The following EXOC6 variants were observed in gnomAD, a reference collection of about 807,000 sequenced individuals.
EXOC6 encodes exocyst complex component 6.
Under a neutral mutation model 112.5 loss-of-function variants are expected in EXOC6, and 60 were observed. The ratio of observed to expected loss-of-function variants is 0.53; its 90% CI spans 0.43 to 0.66. EXOC6 has a LOEUF of 0.66. EXOC6 is among the 30% of genes least tolerant of loss of function. The pLI is 0.00. For synonymous variants in EXOC6, 295 were observed against 308.0 expected, an observed-to-expected ratio of 0.96 and a Z score of 0.44; for missense variants, 855 against 957.1, an observed-to-expected ratio of 0.89 and a Z score of 1.41.
chr10:92,997,943 T>C (rs1019848181), intron 19 of EXOC6, among the ~76,000 whole-genome samples: 4 of 152,234 alleles, frequency 2.6e-5, no homozygotes, highest in African/African-American at 9.6e-5. Context: ...ATGAATGAAA[T>C]GATTCTGTCA....
intron 6 of EXOC6, among the ~76,000 whole-genome samples, chr10:92,912,748 G>T (rs900511509): frequency 1.1e-4 from 16 of 152,284 alleles, no homozygotes; most frequent in African/African-American, 3.6e-4. Flanking sequence ...AGGACGTGAA[G>T]GTAGACAACC....
rs1436665547 is a variant in EXOC6, at chr10:92,962,435, G to GT, written c.1773+6723dup. 3.9e-5 allele frequency among the ~76,000 whole-genome samples: 6 copies of GT among 151,984 alleles called. No individual in the cohort carries two copies. In the East Asian group the frequency reaches 1.2e-3, roughly 29 times the overall value. On this transcript the variant is annotated intron_variant, in intron 17 of 21. Coordinates refer to ENST00000260762, the MANE Select transcript of EXOC6 (RefSeq NM_019053.6). Reference sequence around the variant, plus strand: ...GACAGGGTCCCACTCTGTCATCCAGGTTAGAGTGCAGTGACTTGATCCTGG... The same window carrying GT: ...GACAGGGTCCCACTCTGTCATCCAGGTTTAGAGTGCAGTGACTTGATCCTGG...
In EXOC6 at chr10:92,934,375, A is replaced by G. The variant is rs139811634; in HGVS notation, c.1085A>G (p.Asp362Gly). The G allele has an allele frequency of 7.7e-4, 1,233 of 1,604,640 alleles. No individual in the cohort carries two copies. The highest frequency in any genetic ancestry group is 9.3e-4 in the South Asian group (83 of 89,234). The change falls in exon 11 of 22, where the codon GAT becomes GGT. Residue 362 changes from aspartate (D) to glycine (G), a missense_variant. Around this residue, in one of 2 missense-constraint regions of EXOC6, gnomAD observed 450 missense variants for 563.5 expected, o/e 0.80. Transcript: ENST00000260762. ...GGATTAGTAACCAGGGCATACACTG[A>G]TGAACTTTGGAACATGGCCCTCTCA... is the stretch of plus-strand genomic sequence containing the variant. ...TQGLVTRAYT[D>G]ELWNMALSKI...
intron 20 of EXOC6, among the ~76,000 whole-genome samples, chr10:93,048,875 C>T (rs1846137121): frequency 6.6e-6 from 1 of 151,572 alleles, no homozygotes; most frequent in Non-Finnish European, 1.5e-5. Flanking sequence ...AATATTTTAT[C>T]CCAATTGCCA....
chr10:92,832,692 CTT>C (rs11396161), upstream of EXOC6, among the ~76,000 whole-genome samples: 5 of 145,278 alleles, frequency 3.4e-5, no homozygotes, highest in Non-Finnish European at 4.5e-5. Context: ...ACATAAAGAA[CTT>C]TTTTTTTTTT....
chr10:92,976,454 GC>G (rs1433375737), intron 18 of EXOC6, among the ~76,000 whole-genome samples: 1 of 151,906 alleles, frequency 6.6e-6, no homozygotes, highest in Non-Finnish European at 1.5e-5. Context: ...TTAAACAGAT[GC>G]TTGAAGGCAG....
chr10:93,033,216 C>A (rs1411782289), intron 20 of EXOC6, among the ~76,000 whole-genome samples: 1 of 152,032 alleles, frequency 6.6e-6, no homozygotes, highest in Non-Finnish European at 1.5e-5. Context: ...TTAAAAGGGA[C>A]AAAATTAGAA....
chr10:92,935,369 G>A (rs1852283789), intron 11 of EXOC6, among the ~76,000 whole-genome samples: 1 of 152,038 alleles, frequency 6.6e-6, no homozygotes, highest in African/African-American at 2.4e-5. Flanking sequence ...TAAATGCTAT[G>A]ACAGGGACAG....
chr10:93,002,367 C>T (rs1233216435), intron 19 of EXOC6, among the ~76,000 whole-genome samples: 1 of 152,118 alleles, frequency 6.6e-6, no homozygotes, highest in Non-Finnish European at 1.5e-5. Context: ...ACCTGTTATT[C>T]ATATCCTTAG....
intron 20 of EXOC6, among the ~76,000 whole-genome samples, chr10:93,042,678 A>G (rs1845835720): frequency 6.6e-6 from 1 of 152,216 alleles, no homozygotes; most frequent in Non-Finnish European, 1.5e-5. Flanking sequence ...TGTGAGAAAT[A>G]CATTTGTATT....
At chr10:92,921,430 T>C (rs1376658015) in intron 8 of EXOC6, among the ~76,000 whole-genome samples, 2 of 151,650 alleles carry the variant, frequency 1.3e-5, no homozygotes, top group Non-Finnish European at 2.9e-5. Flanking sequence ...ATTTTTTTAG[T>C]AGAAATGGGG....
At chr10:92,888,476 T>TG (rs1355095572) in intron 1 of EXOC6, among the ~76,000 whole-genome samples, 2 of 152,200 alleles carry the variant, frequency 1.3e-5, no homozygotes, top group African/African-American at 2.4e-5. Context: ...ATTTATGTTA[T>TG]TACTCTTCTT....
intron 11 of EXOC6, among the ~76,000 whole-genome samples, chr10:92,935,602 G>A (rs537901288): frequency 6.6e-6 from 1 of 151,914 alleles, no homozygotes; most frequent in Non-Finnish European, 1.5e-5. Context: ...TGAAATATAA[G>A]CATCATAAGT....
chr10:92,982,582 A>G (rs1842866288), intron 18 of EXOC6, among the ~76,000 whole-genome samples: 1 of 152,234 alleles, frequency 6.6e-6, no homozygotes, highest in Non-Finnish European at 1.5e-5. Flanking sequence ...TCATGCTGTC[A>G]AAGAAAAATT....
intron 19 of EXOC6, among the ~76,000 whole-genome samples, chr10:93,013,920 A>G (rs1275144041): frequency 1.3e-5 from 2 of 152,218 alleles, no homozygotes; most frequent in Non-Finnish European, 2.9e-5. Context: ...GTTACTGTTA[A>G]ATTTTAGTAA....
intron 1 of EXOC6, among the ~76,000 whole-genome samples, chr10:92,869,570 A>G (rs967196400): frequency 2.6e-5 from 4 of 152,086 alleles, no homozygotes; most frequent in Non-Finnish European, 5.9e-5. Flanking sequence ...TTGGCCTCCT[A>G]AAGTATTGGG....
intron 18 of EXOC6, among the ~76,000 whole-genome samples, chr10:92,976,760 A>G (rs1369631237): frequency 6.6e-6 from 1 of 152,162 alleles, no homozygotes; most frequent in African/African-American, 2.4e-5. Context: ...CAAGAGAGTA[A>G]AAGTAAAACT....
intron 1 of EXOC6, among the ~76,000 whole-genome samples, chr10:92,869,403 G>A (rs1254139938): frequency 6.6e-6 from 1 of 151,928 alleles, no homozygotes; most frequent in Non-Finnish European, 1.5e-5. Context: ...CAAATTCCTG[G>A]GCTTAAGGGA....
chr10:92,989,657 G>A (rs950070999), intron 18 of EXOC6, among the ~76,000 whole-genome samples: 2 of 152,112 alleles, frequency 1.3e-5, no homozygotes, highest in Non-Finnish European at 2.9e-5. Context: ...TTACTCACTC[G>A]ATATAATAAT....
Sources: allele counts gnomAD v4.1 joint callset (sites outside exome capture counted in the v4.1 genomes callset), GRCh38; gene constraint gnomAD v4.1.1; regional missense constraint gnomAD v4.1.1; transcripts MANE v1.5; gene names NCBI Gene and HGNC (gene_info 2026-07-23, HGNC 2026-07-21).